The following TAF15 variants were observed in gnomAD, a reference collection of about 807,000 sequenced individuals.
TAF15 encodes TATA-binding protein-associated factor 2N.
TAF15 carries 37 observed loss-of-function variants against 102.5 expected under a neutral mutation model. The observed-to-expected ratio is 0.36, with a 90% CI of 0.28 to 0.47. The LOEUF is 0.47. Ranked by LOEUF, TAF15 falls within the 20% of genes least tolerant of loss-of-function variation. The pLI is 0.99. For synonymous variants in TAF15, 273 were observed against 259.2 expected (o/e 1.05, Z -0.51); for missense variants, 652 against 760.7 (o/e 0.86, Z 1.68).
At chr17:35,842,096 G>A (rs998087374) in intron 11 of TAF15, among the ~76,000 whole-genome samples, 5 of 151,900 alleles carry the variant, frequency 3.3e-5, no homozygotes, top group African/African-American at 1.2e-4. Flanking sequence ...GCTGGGAGCT[G>A]GTGCTACAGA....
chr17:35,838,600 T>G, intron 11 of TAF15, 47 bp downstream of exon 11: 1 of 1,613,678 alleles, frequency 6.2e-7, no homozygotes, highest in Non-Finnish European at 8.5e-7. Context: ...GATAAATGTT[T>G]TCTAGTCTGA....
intron 1 of TAF15, among the ~76,000 whole-genome samples, chr17:35,813,883 T>C (rs537704516): frequency 4.6e-5 from 7 of 152,188 alleles, no homozygotes; most frequent in Admixed American, 4.6e-4. Context: ...GTGGTATGAT[T>C]AATAACAGAC....
chr17:35,828,599 C>T (rs2087358504), intron 7 of TAF15, among the ~76,000 whole-genome samples: 1 of 151,946 alleles, frequency 6.6e-6, no homozygotes, highest in South Asian at 2.1e-4. Flanking sequence ...GCCACTGTGG[C>T]ACACGCCTGT....
intron 1 of TAF15, among the ~76,000 whole-genome samples, chr17:35,816,196 G>C (rs1046054488): frequency 1.3e-5 from 2 of 152,210 alleles, no homozygotes; most frequent in African/African-American, 4.8e-5. Context: ...CTGCAGAAAA[G>C]TGGCAAATTT....
chr17:35,810,688 G>C (rs991111282), intron 1 of TAF15: 2 of 152,216 alleles, frequency 1.3e-5, no homozygotes, highest in African/African-American at 4.8e-5. Flanking sequence ...GGCCAAACCT[G>C]CCTAGTGTTA....
intron 1 of TAF15, among the ~76,000 whole-genome samples, chr17:35,814,272 TCTC>T (rs1429869443): frequency 6.6e-6 from 1 of 151,858 alleles, no homozygotes; most frequent in African/African-American, 2.4e-5. Context: ...TTCACGCCAT[TCTC>T]CTGCCTCAGC....
At chr17:35,836,917 A>G (rs1352108184) in intron 10 of TAF15, among the ~76,000 whole-genome samples, 1 of 151,904 alleles carries the variant, frequency 6.6e-6, no homozygotes, top group East Asian at 1.9e-4. Flanking sequence ...AGCTGGGACT[A>G]CAGGCGCTAC....
At chr17:35,814,806 T>C (rs910126818) in intron 1 of TAF15, among the ~76,000 whole-genome samples, 4 of 151,458 alleles carry the variant, frequency 2.6e-5, no homozygotes, top group African/African-American at 9.7e-5. Context: ...TAAGTCAAAA[T>C]CGTGTCACTG....
intron 7 of TAF15, among the ~76,000 whole-genome samples, chr17:35,831,188 G>A (rs1006970712): frequency 3.9e-5 from 6 of 152,126 alleles, no homozygotes; most frequent in Non-Finnish European, 8.8e-5. Context: ...GGATCATGAA[G>A]TCAGGAGATT....
chr17:35,845,468 C>T (rs1415088081), intron 15 of TAF15, among the ~76,000 whole-genome samples: 1 of 152,144 alleles, frequency 6.6e-6, no homozygotes, highest in Non-Finnish European at 1.5e-5. Context: ...GTTGCCCAGG[C>T]TGGTCTCAAA....
Position 35,826,356 on chromosome 17 carries a change from T to G in TAF15, c.605+2158T>G, listed in dbSNP as rs144284737. Among the ~76,000 whole-genome samples, 437 of 152,262 alleles carry G rather than the reference T, an allele frequency of 2.9e-3. 1 individual carries two copies. Among genetic ancestry groups the G allele is most frequent in the African/African-American group, 9.9e-3 (412 of 41,558 alleles). Reference sequence around the variant, plus strand: ...TTTAGAAATCCGTATGGATGCCGATTACTCTTTATATTGAGTTGGCAAGCT... The same window carrying G: ...TTTAGAAATCCGTATGGATGCCGATGACTCTTTATATTGAGTTGGCAAGCT... On this transcript the variant is annotated intron_variant, in intron 7 of 15. Coordinates refer to ENST00000605844, the MANE Select transcript of TAF15 (RefSeq NM_139215.3).
chr17:35,814,696 T>TA (rs2087172336), intron 1 of TAF15, among the ~76,000 whole-genome samples: 1 of 151,738 alleles, frequency 6.6e-6, no homozygotes, highest in Admixed American at 6.6e-5. Context: ...CTATTAAAAA[T>TA]ACAAAAACTA....
At chr17:35,837,417 C>G (rs971009310) in intron 10 of TAF15, among the ~76,000 whole-genome samples, 10 of 152,006 alleles carry the variant, frequency 6.6e-5, no homozygotes, top group African/African-American at 2.4e-4. Context: ...AGCCTCCCAC[C>G]AAGTGCTGGG....
intron 11 of TAF15, among the ~76,000 whole-genome samples, chr17:35,839,141 CGTG>C (rs1466414535): frequency 6.7e-6 from 1 of 148,932 alleles, no homozygotes; most frequent in Non-Finnish European, 1.5e-5. Context: ...ATAACCTGGA[CGTG>C]GTGGTGTGCA....
chr17:35,813,893 CTAAT>C (rs747272847), intron 1 of TAF15, among the ~76,000 whole-genome samples: 1 of 151,978 alleles, frequency 6.6e-6, no homozygotes, highest in Non-Finnish European at 1.5e-5. Flanking sequence ...TAATAACAGA[CTAAT>C]TAAATATTTG....
chr17:35,819,974 C>G (rs767476040), intron 2 of TAF15, 50 bp from the exon 3 acceptor site: 1 of 1,566,526 alleles, frequency 6.4e-7, no homozygotes, highest in Admixed American at 1.7e-5. Flanking sequence ...TTCATTTAAA[C>G]TTTAAAATTT....
chr17:35,818,883 A>G (rs1330846568), intron 2 of TAF15, among the ~76,000 whole-genome samples: 1 of 152,088 alleles, frequency 6.6e-6, no homozygotes, highest in Admixed American at 6.6e-5. Flanking sequence ...ATTATGGTGT[A>G]TAATATGCTA....
chr17:35,838,601 T>C, intron 11 of TAF15, 48 bp downstream of exon 11: 6 of 1,613,614 alleles, frequency 3.7e-6, no homozygotes, highest in Non-Finnish European at 5.1e-6. Flanking sequence ...ATAAATGTTT[T>C]CTAGTCTGAA....
chr17:35,810,019 A>C, intron 1 of TAF15: 2 of 294,404 alleles, frequency 6.8e-6, no homozygotes, highest in South Asian at 6.9e-5. Flanking sequence ...CAGTTTTCCC[A>C]TCCTCGAAGT....
Sources: allele counts gnomAD v4.1 joint callset (sites outside exome capture counted in the v4.1 genomes callset), GRCh38; gene constraint gnomAD v4.1.1; transcripts MANE v1.5; gene names NCBI Gene and HGNC (gene_info 2026-07-23, HGNC 2026-07-21).